The following GSTM5 variants were observed in gnomAD, a reference collection of about 807,000 sequenced individuals.
GSTM5 encodes the protein GST class-mu 5.
Under a neutral mutation model 29.0 loss-of-function variants are expected in GSTM5, and 24 were observed. The observed-to-expected ratio is 0.83, with a 90% CI of 0.60 to 1.16. GSTM5 has a LOEUF of 1.16. Among genes scored for constraint, GSTM5 ranks in the 50% most tolerant of loss-of-function variants. GSTM5 has a pLI of 0.00. For missense variants in GSTM5, 290 were observed against 263.0 expected, an observed-to-expected ratio of 1.10 and a Z score of -0.71; for synonymous variants, 91 against 93.6, an observed-to-expected ratio of 0.97 and a Z score of 0.16.
Position 109,712,570 on chromosome 1 carries a change from G to A in GSTM5, c.37-48G>A, listed in dbSNP as rs774041936. ...GGCCTGGTGCAGAGAAAGTCACCAA[G>A]TCAGGGACCCTCCATCTCTGACCCG... On this transcript the variant is annotated intron_variant, in intron 1 of 7. Coordinates refer to ENST00000256593, the MANE Select transcript of GSTM5 (RefSeq NM_000851.4). 5 of 1,603,414 alleles carry A rather than the reference G, an allele frequency of 3.1e-6. No individual in the cohort carries two copies. The Admixed American group carries it at 5.0e-5, about 16-fold the overall frequency.
At chr1:109,714,666 C>G in intron 5 of GSTM5, 1 of 489,570 alleles carries the variant, frequency 2.0e-6, no homozygotes, top group South Asian at 2.5e-5. Context: ...CTGCCAGGTG[C>G]TCGGGCGCTC....
At chr1:109,713,249 C>T (rs1009668531) in intron 3 of GSTM5, 66 bp downstream of exon 3, 45 of 1,604,744 alleles carry the variant, frequency 2.8e-5, no homozygotes, top group Non-Finnish European at 3.6e-5. Flanking sequence ...ATCTCCTCTC[C>T]CCACCTTAGA....
chr1:109,714,590 T>C, intron 5 of GSTM5: 1 of 286,184 alleles, frequency 3.5e-6, no homozygotes, highest in Non-Finnish European at 6.6e-6. Flanking sequence ...AGGAACTTTC[T>C]ACTTCTTTCC....
At position 109,712,351 on chromosome 1, in the gene GSTM5, A is replaced by G. The variant is rs779427479; in HGVS notation, c.36+3A>G. 13 of 1,613,856 alleles carry G rather than the reference A, an allele frequency of 8.1e-6. No homozygotes were observed. Among genetic ancestry groups the G allele is most frequent in the South Asian group, 2.2e-5 (2 of 91,088 alleles). On this transcript the variant is annotated splice_donor_region_variant and intron_variant, in intron 1 of 7. Transcript: ENST00000256593. ...TGGGGTACTGGGACATCCGTGGGGT[A>G]AGCGAGGGTCCTCTGGTGGGTGGGA...
At chr1:109,713,617 T>G (rs1409641181) in intron 4 of GSTM5, 44 bp from the exon 5 acceptor site, 1 of 1,614,170 alleles carries the variant, frequency 6.2e-7, no homozygotes. Context: ...CCTCCTTGGC[T>G]GGGCTGTGAT....
chr1:109,717,501 C>T lies in GSTM5; in HGVS notation c.*75C>T. 1.0e-6 allele frequency: 1 copy of T among 975,696 alleles called. No homozygotes were observed. Among genetic ancestry groups the T allele is most frequent in the Non-Finnish European group, 1.7e-6 (1 of 599,976 alleles). The allele number at this position is 975,696 out of a possible 1,614,324, so 60.4% of individuals were successfully genotyped here. ...CGACCCTGGAGGACAGCCTGACTCC[C>T]TGGACCTGCCTTCTTCCTTTTTCCT... On this transcript the variant is annotated 3_prime_UTR_variant, in exon 8 of 8. Coordinates refer to ENST00000256593, the MANE Select transcript of GSTM5 (RefSeq NM_000851.4).
At chr1:109,715,313 T>C (rs1557972392) in intron 7 of GSTM5, 73 bp downstream of exon 7, 2 of 1,613,908 alleles carry the variant, frequency 1.2e-6, no homozygotes, top group Non-Finnish European at 1.7e-6. Flanking sequence ...TTCCCAGTCC[T>C]GGAGCTACAC....
chr1:109,713,620 G>A (rs749350566), intron 4 of GSTM5, 41 bp from the exon 5 acceptor site: 5 of 1,614,082 alleles, frequency 3.1e-6, no homozygotes, highest in South Asian at 1.1e-5. Context: ...CCTTGGCTGG[G>A]CTGTGATGCT....
At chr1:109,713,791 C>A in intron 5 of GSTM5, 30 bp downstream of exon 5, 8 of 1,591,384 alleles carry the variant, frequency 5.0e-6, no homozygotes, top group Non-Finnish European at 6.9e-6. Flanking sequence ...CCCAGTCACC[C>A]ATTTCCCTGC....
intron 7 of GSTM5, chr1:109,715,905 CTT>C: frequency 2.8e-6 from 2 of 726,220 alleles, no homozygotes; most frequent in South Asian, 2.8e-5. Flanking sequence ...TTCTTCCTCT[CTT>C]TTTTTCCCTC....
At chr1:109,714,380 G>C (rs978156477) in intron 5 of GSTM5, 1 of 167,598 alleles carries the variant, frequency 6.0e-6, no homozygotes, top group African/African-American at 2.4e-5. Context: ...GAATGTAATG[G>C]CACCCTCAAA....
rs1414503076 is a variant in GSTM5 at position 109,712,604 on chromosome 1, G to C, written c.37-14G>C. On this transcript the variant is annotated splice_polypyrimidine_tract_variant and intron_variant, in intron 1 of 7. Coordinates refer to ENST00000256593, the MANE Select transcript of GSTM5 (RefSeq NM_000851.4). ...CCTCCATCTCTGACCCGAGCCGCGG[G>C]CCATCTCTCCCAGCTGGCCCACGCC... The C allele has an allele frequency of 1.9e-6, 3 of 1,613,852 alleles. No homozygotes were observed. The highest frequency in any genetic ancestry group is 2.5e-6 in the Non-Finnish European group (3 of 1,179,892).
intron 2 of GSTM5, 107 bp downstream of exon 2, chr1:109,712,800 T>G (rs1648605145): frequency 7.7e-7 from 1 of 1,291,092 alleles, no homozygotes; most frequent in African/African-American, 1.5e-5. Context: ...CTGCTGGAGC[T>G]GCAGGCTGTC....
At chr1:109,715,598 G>C in intron 7 of GSTM5, 1 of 1,081,106 alleles carries the variant, frequency 9.2e-7, no homozygotes, top group South Asian at 1.7e-5. Flanking sequence ...GAAGCCTCAG[G>C]CCTCATCCAG....
intron 2 of GSTM5, 114 bp from the exon 3 acceptor site, chr1:109,713,005 G>A: frequency 8.2e-7 from 1 of 1,223,854 alleles, no homozygotes. Context: ...GGACTGAGTG[G>A]TCAGATTCTA....
Position 109,713,559 on chromosome 1 carries a change from A to C in GSTM5, c.253A>C (p.Asn85His), listed in dbSNP as rs1261316011. ...AILRYIARKHNLCGETEEEKI... is the reference protein window; with the variant it reads ...AILRYIARKHHLCGETEEEKI... ...CCTGCGCTACATTGCCCGCAAGCAC[A>C]ACCTGTGTGAGTGTGGGTGGCTGCA... Residue 85 changes from asparagine (N) to histidine (H), a missense_variant, in exon 4 of 8, where the codon AAC (asparagine) becomes CAC (histidine). Physicochemically the swap from Asn to His is moderately conservative, Grantham distance 68 (BLOSUM62 1). Transcript: ENST00000256593. 6.2e-7 allele frequency: 1 copy of C among 1,614,192 alleles called. No individual in the cohort carries two copies. Among genetic ancestry groups the C allele is most frequent in the South Asian group, 1.1e-5 (1 of 91,078 alleles).
intron 3 of GSTM5, 145 bp downstream of exon 3, chr1:109,713,328 T>A: frequency 1.5e-6 from 2 of 1,375,650 alleles, no homozygotes; most frequent in Non-Finnish European, 2.1e-6. Context: ...CCTTGCATGA[T>A]GTTCTGTGTC....
chr1:109,717,297 G>C, intron 7 of GSTM5, 40 bp from the exon 8 acceptor site: 1 of 1,510,382 alleles, frequency 6.6e-7, no homozygotes, highest in Non-Finnish European at 9.2e-7. Context: ...AGCCCTTCTA[G>C]ACAGCAGACC....
In GSTM5 at chr1:109,715,467, G is replaced by A. The variant is rs1213392461; in HGVS notation, c.567+227G>A. 8.6e-6 allele frequency: 13 copies of A among 1,512,958 alleles called. No homozygotes were observed. The South Asian group carries it at 1.6e-4, about 18-fold the overall frequency. 93.7% of individuals were successfully genotyped at this position (1,512,958 alleles called of 1,614,324 possible). A position where few individuals can be genotyped will look rare whatever the true frequency, so the allele number is the denominator to read the frequency against. ...TGCCCATTTTAGAGATAAGAAAACT[G>A]AGAATGAGAGGGTCAGTCCTTTGCT... On this transcript the variant is annotated intron_variant, in intron 7 of 7. Transcript: ENST00000256593.
Sources: gnomAD v4.1 joint callset for allele counts on GRCh38, gnomAD v4.1.1 for gene constraint, MANE v1.5 for transcripts, NCBI Gene and HGNC (gene_info 2026-07-23, HGNC 2026-07-21) for gene names.